The following MTAP variants were observed in gnomAD, a reference collection of about 807,000 sequenced individuals.
MTAP encodes the protein methylthioadenosine phosphorylase, also known as S-methyl-5'-thioadenosine phosphorylase.
A neutral mutation model predicts 33.6 loss-of-function variants in MTAP; 33 were observed. The ratio of observed to expected loss-of-function variants is 0.98; its 90% CI spans 0.74 to 1.31. MTAP has a LOEUF of 1.31. MTAP is among the 40% of genes most tolerant of loss of function. The probability of loss-of-function intolerance (pLI) is 0.00; values close to 1 mark genes in which losing one functional copy is unlikely to be tolerated. For synonymous variants in MTAP, 148 were observed against 125.7 expected, an observed-to-expected ratio of 1.18 and a Z score of -1.19; for missense variants, 367 against 360.0, an observed-to-expected ratio of 1.02 and a Z score of -0.16.
At chr9:21,881,739 A>G (rs1202313434) in intron 1 of MTAP, among the ~76,000 whole-genome samples, 2 of 152,032 alleles carry the variant, frequency 1.3e-5, no homozygotes, top group Non-Finnish European at 2.9e-5. Flanking sequence ...ATGTTGCCAT[A>G]GATGTGGAAA....
In MTAP at chr9:21,858,589, A is replaced by C. The variant is rs187019605; in HGVS notation, c.691-714A>C. 3.4e-3 allele frequency among the ~76,000 whole-genome samples: 520 copies of C among 152,342 alleles called. 3 individuals carry two copies. Among genetic ancestry groups the C allele is most frequent in the Non-Finnish European group, 5.1e-3 (347 of 68,038 alleles). ...TCAGATCTCACAAGAACTCACTATCAGTAAAACAGCACCTGAGGATGCTGC... is the reference window on the plus strand; with the variant it reads ...TCAGATCTCACAAGAACTCACTATCCGTAAAACAGCACCTGAGGATGCTGC... On this transcript the variant is annotated intron_variant, in intron 6 of 7. Transcript: ENST00000644715.
chr9:21,833,510 T>C (rs1825024251), intron 4 of MTAP, among the ~76,000 whole-genome samples: 1 of 152,200 alleles, frequency 6.6e-6, no homozygotes, highest in African/African-American at 2.4e-5. Context: ...TTGTTCCACT[T>C]CTTAGTCTGA....
At chr9:21,809,445 C>G (rs1275628422) in intron 1 of MTAP, among the ~76,000 whole-genome samples, 1 of 151,904 alleles carries the variant, frequency 6.6e-6, no homozygotes, top group Non-Finnish European at 1.5e-5. Context: ...TGAGACCATC[C>G]TGGCTAACAT....
chr9:21,808,693 T>G (rs1218458962), intron 1 of MTAP: 1 of 152,136 alleles, frequency 6.6e-6, no homozygotes, highest in African/African-American at 2.4e-5. Flanking sequence ...AATTAACATG[T>G]GTATCGGGCT....
chr9:21,918,564 T>A (rs1035241071), intron 1 of MTAP, among the ~76,000 whole-genome samples: 11 of 151,928 alleles, frequency 7.2e-5, no homozygotes, highest in Non-Finnish European at 1.5e-4. Flanking sequence ...TAAAAAAAAA[T>A]TGTGATTGAT....
chr9:21,910,193 A>T (rs1299069477), intron 1 of MTAP, among the ~76,000 whole-genome samples: 1 of 152,168 alleles, frequency 6.6e-6, no homozygotes, highest in African/African-American at 2.4e-5. Context: ...ATATGTATAA[A>T]ACACTTACAA....
chr9:21,859,266 T>G (rs185726878), intron 6 of MTAP, 37 bp from the exon 7 acceptor site: 39 of 1,573,544 alleles, frequency 2.5e-5, no homozygotes, highest in East Asian at 4.5e-5. Context: ...AGTGGAATTT[T>G]AAGTTCTAGT....
downstream of MTAP, among the ~76,000 whole-genome samples, chr9:21,868,942 G>A (rs1406226618): frequency 6.6e-6 from 1 of 152,132 alleles, no homozygotes; most frequent in African/African-American, 2.4e-5. Flanking sequence ...GTTCCCAGAT[G>A]ATGCTGGTCC....
In MTAP at chr9:21,918,349, C is replaced by CAAAA. The variant is rs34446505; in HGVS notation, c.148-12637_148-12634dup. Among the ~76,000 whole-genome samples the CAAAA allele has an allele frequency of 7.0e-3, 166 of 23,702 alleles. 8 individuals carry two copies. The highest frequency in any genetic ancestry group is 0.028 in the Middle Eastern group (1 of 36). 15.5% of individuals were successfully genotyped at this position (23,702 alleles called of 152,430 possible). ...TGGGCGACAGAACGAGACTCCGTCT[C>CAAAA]AAAAAAAAAAAAAAAAAAAAAAAAA... On this transcript the variant is annotated intron_variant, in intron 1 of 1. Transcript: ENST00000577563.
chr9:21,858,662 C>T (rs1179292189), intron 6 of MTAP, among the ~76,000 whole-genome samples: 1 of 152,228 alleles, frequency 6.6e-6, no homozygotes, highest in African/African-American at 2.4e-5. Flanking sequence ...CGCCTCCCAC[C>T]AGGCCCCACC....
rs201308597 is a variant in MTAP at position 21,898,123 on chromosome 9, A to C, written c.148-32885A>C. Among the ~76,000 whole-genome samples, 48 of 152,296 alleles carry C rather than the reference A, an allele frequency of 3.2e-4. 1 individual carries two copies. The Middle Eastern group carries it at 0.017, about 54-fold the overall frequency. ...CTTTGACAAACCTGACAAAAACAAGAAATGGGGAAAGGATTCCCTATTTAA... is the reference window on the plus strand; with the variant it reads ...CTTTGACAAACCTGACAAAAACAAGCAATGGGGAAAGGATTCCCTATTTAA... On this transcript the variant is annotated intron_variant, in intron 1 of 1. Transcript: ENST00000577563.
chr9:21,825,973 T>A (rs1157528544), intron 4 of MTAP, among the ~76,000 whole-genome samples: 1 of 152,146 alleles, frequency 6.6e-6, no homozygotes, highest in African/African-American at 2.4e-5. Context: ...CCTTTGCCTA[T>A]TTTTTTAATC....
intron 3 of MTAP, among the ~76,000 whole-genome samples, chr9:21,817,820 G>C (rs901859940): frequency 1.3e-5 from 2 of 152,154 alleles, no homozygotes; most frequent in Non-Finnish European, 2.9e-5. Flanking sequence ...ACTAGGGTCT[G>C]TCTGCCACTC....
At chr9:21,885,850 G>C (rs894989976) in intron 1 of MTAP, among the ~76,000 whole-genome samples, 2 of 148,000 alleles carry the variant, frequency 1.4e-5, no homozygotes, top group African/African-American at 4.9e-5. Context: ...TCATCCACTC[G>C]TTGAATGATG....
intron 5 of MTAP, among the ~76,000 whole-genome samples, chr9:21,849,652 C>T (rs1825465538): frequency 6.6e-6 from 1 of 152,208 alleles, no homozygotes; most frequent in African/African-American, 2.4e-5. Flanking sequence ...AATACCACAT[C>T]CCTGGAGGGA....
chr9:21,934,261 A>G (rs924264321), downstream of MTAP: 1 of 152,230 alleles, frequency 6.6e-6, no homozygotes, highest in Non-Finnish European at 1.5e-5. This position sits in a 1 kb window ranked among gnomAD's most constrained non-coding sequence, Gnocchi z 5.0. Flanking sequence ...AGACTCGGCT[A>G]TTGTTACAGG....
chr9:21,821,674 T>A (rs1350835114), intron 4 of MTAP, among the ~76,000 whole-genome samples: 1 of 152,194 alleles, frequency 6.6e-6, no homozygotes, highest in Non-Finnish European at 1.5e-5. Context: ...CTTTTTTTAT[T>A]GATTGGAATA....
intron 1 of MTAP, among the ~76,000 whole-genome samples, chr9:21,910,624 A>G (rs1563867479): frequency 6.6e-6 from 1 of 152,214 alleles, no homozygotes; most frequent in East Asian, 1.9e-4. Context: ...ATGTATAATC[A>G]TGAAAATCAC....
chr9:21,844,491 G>C (rs775354946), intron 5 of MTAP, among the ~76,000 whole-genome samples: 10 of 152,118 alleles, frequency 6.6e-5, no homozygotes, highest in African/African-American at 1.2e-4. Flanking sequence ...CAAATTACTA[G>C]CTAACCAAAT....
Sources: allele counts gnomAD v4.1 joint callset (sites outside exome capture counted in the v4.1 genomes callset), GRCh38; gene constraint gnomAD v4.1.1; non-coding constraint Gnocchi (gnomAD v3.1); transcripts MANE v1.5; gene names NCBI Gene and HGNC (gene_info 2026-07-23, HGNC 2026-07-21).